CELF2: variants seen among roughly 807,000 people sequenced by gnomAD.
CELF2 encodes CUGBP Elav-like family member 2, also known as CUG triplet repeat RNA-binding protein 2.
CELF2 carries 8 observed loss-of-function variants against 62.6 expected under a neutral mutation model. The ratio of observed to expected loss-of-function variants is 0.13; its 90% CI spans 0.07 to 0.23. CELF2 has a LOEUF of 0.23. CELF2 is among the 10% of genes least tolerant of loss of function. The probability of loss-of-function intolerance (pLI) is 1.00; values close to 1 mark genes in which losing one functional copy is unlikely to be tolerated. For missense variants in CELF2, 333 were observed against 671.0 expected, an observed-to-expected ratio of 0.50 and a Z score of 5.56; for synonymous variants, 258 against 250.0, an observed-to-expected ratio of 1.03 and a Z score of -0.30.
intron 2 of CELF2, among the ~76,000 whole-genome samples, chr10:11,194,735 A>G (rs527980780): frequency 1.7e-3 from 257 of 152,372 alleles, no homozygotes; most frequent in Non-Finnish European, 2.4e-3. Context: ...ATTGAGTTAG[A>G]TAGCAGTTTC....
rs11815765 is a variant in CELF2, at chr10:10,875,740, T to A, written c.54-44224T>A. Among the ~76,000 whole-genome samples, 681 of 152,286 alleles carry A rather than the reference T, an allele frequency of 4.5e-3. 6 individuals are homozygous for A. Among genetic ancestry groups the A allele is most frequent in the African/African-American group, 0.016 (657 of 41,562 alleles). On this transcript the variant is annotated intron_variant, in intron 1 of 13. Coordinates refer to the CELF2 transcript ENST00000636488. ...TCTAAAAGCTTGATAAAGTACAGTA[T>A]GTTATTTAAAAGGAACTTGCAGACT...
At chr10:10,908,244 G>T (rs2063513605) in intron 1 of CELF2, among the ~76,000 whole-genome samples, 1 of 5,694 alleles carries the variant, frequency 1.8e-4, no homozygotes. Context: ...TTTTGAAACA[G>T]AGTCTTGCTC....
chr10:10,837,171 G>T (rs148103684), intron 1 of CELF2, among the ~76,000 whole-genome samples: 174 of 152,264 alleles, frequency 1.1e-3, no homozygotes, highest in African/African-American at 4.0e-3. Context: ...ACACGTTGTG[G>T]GAGGGACCCA....
intron 1 of CELF2, among the ~76,000 whole-genome samples, chr10:11,052,440 A>T (rs2064134586): frequency 6.6e-6 from 1 of 152,146 alleles, no homozygotes; most frequent in Non-Finnish European, 1.5e-5. Flanking sequence ...ACTGACCTGT[A>T]GGTTGTTTGG....
At chr10:11,122,695 G>A (rs992834581) in intron 1 of CELF2, among the ~76,000 whole-genome samples, 11 of 152,330 alleles carry the variant, frequency 7.2e-5, no homozygotes, top group Admixed American at 4.6e-4. Context: ...ACAAGCAGTC[G>A]TGAAAGAAAT....
the CELF2 span, among the ~76,000 whole-genome samples, chr10:10,641,256 A>C: frequency 3.9e-5 from 6 of 152,280 alleles, no homozygotes; most frequent in South Asian, 6.2e-4. Flanking sequence ...GCCTAATGCA[A>C]CCTTCAGCAC....
intron 10 of CELF2, among the ~76,000 whole-genome samples, chr10:11,320,605 T>G (rs1028784037): frequency 1.3e-5 from 2 of 151,866 alleles, no homozygotes; most frequent in African/African-American, 2.4e-5. Flanking sequence ...TTCAGCTGTT[T>G]AGAAAGTCCG....
chr10:10,781,235 C>T, the CELF2 span, among the ~76,000 whole-genome samples: 1 of 152,088 alleles, frequency 6.6e-6, no homozygotes, highest in African/African-American at 2.4e-5. Context: ...ATATTTTTAC[C>T]TTTTTTATGT....
At position 11,319,155 on chromosome 10, in the gene CELF2, C is replaced by G; in HGVS notation, c.1097-2034C>G. On this transcript the variant is annotated intron_variant, in intron 10 of 12. Transcript: ENST00000633077. The surrounding 1 kb of genome is among the most constrained non-coding windows in gnomAD (Gnocchi z 4.4). ...TTCCTCCACACGGGCATCTGCATTT[C>G]CAGAGGACTGTGCCCAGAGTGCGAT... is the stretch of plus-strand genomic sequence containing the variant. The G allele has an allele frequency of 2.1e-6, 1 of 467,424 alleles. No individual in the cohort carries two copies. The highest frequency in any genetic ancestry group is 4.4e-6 in the Non-Finnish European group (1 of 225,606). 29.0% of individuals were successfully genotyped at this position (467,424 alleles called of 1,614,324 possible). A position where few individuals can be genotyped will look rare whatever the true frequency, so the allele number is the denominator to read the frequency against.
the CELF2 span, among the ~76,000 whole-genome samples, chr10:10,657,495 A>T: frequency 0.44 from 66,640 of 151,916 alleles, 15,036 homozygotes; most frequent in South Asian, 0.71. Flanking sequence ...GTGAATTGTA[A>T]CTCAATAAAG....
the CELF2 span, among the ~76,000 whole-genome samples, chr10:10,666,299 C>T: frequency 6.6e-6 from 1 of 152,138 alleles, no homozygotes; most frequent in African/African-American, 2.4e-5. Flanking sequence ...GCTGTGTTGG[C>T]TCCGTGTCTC....
At chr10:10,572,517 C>T in the CELF2 span, among the ~76,000 whole-genome samples, 2 of 151,742 alleles carry the variant, frequency 1.3e-5, no homozygotes, top group Non-Finnish European at 2.9e-5. Flanking sequence ...CACCCCACCT[C>T]CCCTGACAAG....
In CELF2 at chr10:10,956,389, A is replaced by G. The variant is rs535577681; in HGVS notation, c.89+36390A>G. 4.6e-5 allele frequency among the ~76,000 whole-genome samples: 7 copies of G among 152,268 alleles called. No individual in the cohort carries two copies. The East Asian group carries it at 1.2e-3, about 25-fold the overall frequency. On this transcript the variant is annotated intron_variant, in intron 2 of 13. Transcript: ENST00000636488. The stretch of plus-strand genomic sequence containing the variant: ...TGTTCCAGGTACTTTATTGGCTTGC[A>G]TATTTCTCTCCCTTTTTAGCAGTTA...
At chr10:10,565,725 C>T in the CELF2 span, among the ~76,000 whole-genome samples, 3 of 152,108 alleles carry the variant, frequency 2.0e-5, no homozygotes, top group Non-Finnish European at 2.9e-5. Context: ...TTAATAAGCA[C>T]GGTAATGCAA....
intron 1 of CELF2, among the ~76,000 whole-genome samples, chr10:11,055,618 T>C (rs1167941401): frequency 3.3e-5 from 5 of 152,260 alleles, no homozygotes; most frequent in Non-Finnish European, 5.9e-5. Context: ...AAACCTGATA[T>C]TCTGTGCAGT....
intron 1 of CELF2, chr10:11,105,582 A>G (rs1459943300): frequency 6.6e-6 from 1 of 152,240 alleles, no homozygotes; most frequent in Admixed American, 6.5e-5. Context: ...ATTGCCCACC[A>G]GAGGTGGCCA....
At position 11,329,785 on chromosome 10, in the gene CELF2, TAAA is replaced by T. The variant is rs919641352; in HGVS notation, c.*735_*737del. 6 of 152,032 alleles carry T rather than the reference TAAA, an allele frequency of 3.9e-5. No individual in the cohort carries two copies. The highest frequency in any genetic ancestry group is 7.4e-5 in the Non-Finnish European group (5 of 67,974). 9.4% of individuals were successfully genotyped at this position (152,032 alleles called of 1,614,324 possible). ...TCTTAAAGCTACAGGGTTTAAAAAA[TAAA>T]AATGAGTGAAAATACTTGATGTTTC... On this transcript the variant is annotated 3_prime_UTR_variant, in exon 13 of 13. Coordinates refer to ENST00000633077, the MANE Select transcript of CELF2 (RefSeq NM_001326342.2). The surrounding 1 kb of genome is among the most constrained non-coding windows in gnomAD (Gnocchi z 5.5).
At chr10:10,504,803 C>T in the CELF2 span, among the ~76,000 whole-genome samples, 2 of 151,978 alleles carry the variant, frequency 1.3e-5, no homozygotes, top group African/African-American at 4.8e-5. Flanking sequence ...CTTCTGATCC[C>T]TTCATTCTGC....
chr10:11,262,893 A>G (rs1398794385), intron 5 of CELF2, among the ~76,000 whole-genome samples: 1 of 147,420 alleles, frequency 6.8e-6, no homozygotes. Context: ...AGTAACAAAG[A>G]AAAGCAAGAG....
Sources: gnomAD v4.1 joint callset for allele counts (sites outside exome capture counted in the v4.1 genomes callset) on GRCh38, gnomAD v4.1.1 for gene constraint, Gnocchi (gnomAD v3.1) non-coding constraint, MANE v1.5 for transcripts, NCBI Gene and HGNC (gene_info 2026-07-23, HGNC 2026-07-21) for gene names.